Variants in NELL2 observed in about 807,000 individuals in gnomAD.
The protein encoded by NELL2 is protein kinase C-binding protein NELL2.
NELL2 carries 41 observed loss-of-function variants against 109.6 expected under a neutral mutation model. The ratio of observed to expected loss-of-function variants is 0.37; its 90% CI spans 0.29 to 0.49. NELL2 has a LOEUF of 0.49. Among genes scored for constraint, NELL2 ranks in the 20% least tolerant of loss-of-function variants. The pLI is 0.98. For missense variants in NELL2, 900 were observed against 1,008.3 expected (o/e 0.89, Z 1.45); for synonymous variants, 355 against 344.7 (o/e 1.03, Z -0.33).
chr12:44,921,467 G>C (rs1014219538), intron 1 of NELL2, among the ~76,000 whole-genome samples: 2 of 152,164 alleles, frequency 1.3e-5, no homozygotes. Flanking sequence ...CCCAAAGTTA[G>C]ACAGGCAGGC....
chr12:44,719,472 C>G (rs138599469), intron 9 of NELL2, among the ~76,000 whole-genome samples: 20 of 152,294 alleles, frequency 1.3e-4, no homozygotes, highest in African/African-American at 4.1e-4. Flanking sequence ...CACTACATAT[C>G]TAGCTTTTTC....
chr12:44,682,372 T>C (rs1366065087), intron 12 of NELL2, among the ~76,000 whole-genome samples: 1 of 151,638 alleles, frequency 6.6e-6, no homozygotes, highest in Non-Finnish European at 1.5e-5. Flanking sequence ...GTGGGTTGCC[T>C]GTTCACTCTG....
At chr12:44,786,850 A>G (rs777953600) in intron 3 of NELL2, among the ~76,000 whole-genome samples, 3 of 152,040 alleles carry the variant, frequency 2.0e-5, no homozygotes, top group Non-Finnish European at 4.4e-5. Flanking sequence ...CACAGAGAGG[A>G]GAACATCACG....
At chr12:44,737,603 G>A (rs1939719062) in intron 9 of NELL2, among the ~76,000 whole-genome samples, 1 of 151,950 alleles carries the variant, frequency 6.6e-6, no homozygotes, top group East Asian at 1.9e-4. Flanking sequence ...CATAAGTCCA[G>A]CTCTCAGAGT....
intron 15 of NELL2, among the ~76,000 whole-genome samples, chr12:44,604,285 G>A (rs1402139053): frequency 6.6e-6 from 1 of 151,978 alleles, no homozygotes; most frequent in African/African-American, 2.4e-5. Flanking sequence ...GAGAGAAAGG[G>A]GAAGGAAGGA....
chr12:44,574,928 A>C (rs1476295744), intron 15 of NELL2, among the ~76,000 whole-genome samples: 1 of 152,180 alleles, frequency 6.6e-6, no homozygotes, highest in Non-Finnish European at 1.5e-5. Flanking sequence ...CCTTAAGACA[A>C]AACTATTTTT....
At position 44,532,564 on chromosome 12, in the gene NELL2, C is replaced by T. The variant is rs770189457; in HGVS notation, c.1804+17G>A. ...CAAGAGAAGTTCTTAAATTCTAGGTCTTCTCCTTGTACTGACCTTCACACG... is the reference window on the plus strand; with the variant it reads ...CAAGAGAAGTTCTTAAATTCTAGGTTTTCTCCTTGTACTGACCTTCACACG... On this transcript the variant is annotated intron_variant, in intron 16 of 19. Coordinates refer to ENST00000429094, the MANE Select transcript of NELL2 (RefSeq NM_001145108.2). The T allele has an allele frequency of 1.7e-5, 27 of 1,604,256 alleles. No individual in the cohort carries two copies. The Admixed American group carries it at 4.7e-4, about 28-fold the overall frequency.
chr12:44,679,570 T>C (rs1222232078), intron 12 of NELL2, among the ~76,000 whole-genome samples: 2 of 152,140 alleles, frequency 1.3e-5, no homozygotes, highest in South Asian at 2.1e-4. Flanking sequence ...TAACCCCTTT[T>C]CACAGCCACA....
intron 9 of NELL2, among the ~76,000 whole-genome samples, chr12:44,742,902 C>T (rs1484132643): frequency 1.3e-5 from 2 of 152,048 alleles, no homozygotes; most frequent in Non-Finnish European, 2.9e-5. Context: ...GGAGAACTTC[C>T]CCAATCTAGC....
chr12:44,879,247 C>A (rs1281867962), upstream of NELL2, among the ~76,000 whole-genome samples: 1 of 152,216 alleles, frequency 6.6e-6, no homozygotes, highest in Non-Finnish European at 1.5e-5. Context: ...GATAACTTGA[C>A]TCTTGCCCAA....
At chr12:44,692,874 G>T (rs1948942324) in intron 12 of NELL2, among the ~76,000 whole-genome samples, 1 of 152,168 alleles carries the variant, frequency 6.6e-6, no homozygotes, top group African/African-American at 2.4e-5. Flanking sequence ...AATAAGCAAA[G>T]AAAGTAGTTT....
intron 9 of NELL2, among the ~76,000 whole-genome samples, chr12:44,749,728 C>G (rs73277257): frequency 0.053 from 8,096 of 152,158 alleles, 676 homozygotes; most frequent in African/African-American, 0.18. Flanking sequence ...GGCGTTCTTA[C>G]AGCAATGGCA....
chr12:44,587,955 T>G (rs1339492897), intron 15 of NELL2, among the ~76,000 whole-genome samples: 4 of 151,984 alleles, frequency 2.6e-5, no homozygotes, highest in African/African-American at 4.8e-5. Context: ...ATAGAGACCA[T>G]CCTGGCTAAC....
At chr12:44,541,321 T>C (rs1191903882) in intron 15 of NELL2, among the ~76,000 whole-genome samples, 1 of 150,600 alleles carries the variant, frequency 6.6e-6, no homozygotes, top group Non-Finnish European at 1.5e-5. Flanking sequence ...ATATTTCTAA[T>C]TAACATTCTC....
chr12:44,811,166 G>T (rs1462591718), intron 3 of NELL2, among the ~76,000 whole-genome samples: 2 of 151,602 alleles, frequency 1.3e-5, no homozygotes, highest in African/African-American at 2.4e-5. Context: ...TCACACACTG[G>T]GCCTCGCAAG....
chr12:44,887,501 C>T (rs1201567204), intron 1 of NELL2, among the ~76,000 whole-genome samples: 4 of 151,926 alleles, frequency 2.6e-5, no homozygotes, highest in South Asian at 2.1e-4. Context: ...CAGAATTTTG[C>T]ATTTATCTGG....
intron 15 of NELL2, among the ~76,000 whole-genome samples, chr12:44,536,660 T>C (rs1177152977): frequency 1.3e-5 from 2 of 152,064 alleles, no homozygotes; most frequent in African/African-American, 2.4e-5. Context: ...CTTTTTACTC[T>C]GTAGGTACAT....
At chr12:44,558,260 T>C (rs1943329806) in intron 15 of NELL2, among the ~76,000 whole-genome samples, 1 of 152,210 alleles carries the variant, frequency 6.6e-6, no homozygotes, top group Non-Finnish European at 1.5e-5. Flanking sequence ...CCAATTTCAC[T>C]ATTTCTAGCT....
chr12:44,882,706 T>TTAGTAGAGACAGGGTTTC lies in NELL2; in HGVS notation c.39-6824_39-6807dup, dbSNP rs1209919267. On this transcript the variant is annotated intron_variant, in intron 1 of 20. Coordinates refer to the NELL2 transcript ENST00000333837. The stretch of plus-strand genomic sequence containing the variant: ...CCAGGCCTGGCTAAGTTTTGTATTT[T>TTAGTAGAGACAGGGTTTC]TAGTAGAGACAGGGTTTCACCATGT... 3.3e-5 allele frequency among the ~76,000 whole-genome samples: 5 copies of TTAGTAGAGACAGGGTTTC among 151,558 alleles called. No homozygotes were observed. In the East Asian group the frequency reaches 9.7e-4, roughly 29 times the overall value.
Sources: allele counts gnomAD v4.1 joint callset (sites outside exome capture counted in the v4.1 genomes callset), GRCh38; gene constraint gnomAD v4.1.1; transcripts MANE v1.5; gene names NCBI Gene and HGNC (gene_info 2026-07-23, HGNC 2026-07-21).